The following FAM78B variants were observed in gnomAD, a reference collection of about 807,000 sequenced individuals.
FAM78B encodes the protein family with sequence similarity 78 member B.
FAM78B carries 10 observed loss-of-function variants against 20.0 expected under a neutral mutation model. The ratio of observed to expected loss-of-function variants is 0.50; its 90% CI spans 0.31 to 0.85. The LOEUF is 0.85. FAM78B is among the 40% of genes least tolerant of loss of function. The pLI, the probability that FAM78B is intolerant of heterozygous loss-of-function variation, is 0.05. For synonymous variants in FAM78B, 135 were observed against 132.8 expected (o/e 1.02, Z -0.12); for missense variants, 283 against 345.0 (o/e 0.82, Z 1.42).
Position 166,094,035 on chromosome 1 carries a change from G to GTGTC in FAM78B, c.264-23273_264-23272insGACA, listed in dbSNP as rs1553217267. Among the ~76,000 whole-genome samples, 237 of 146,492 alleles carry GTGTC rather than the reference G, an allele frequency of 1.6e-3. 28 individuals carry two copies. The highest frequency in any genetic ancestry group is 6.4e-3 in the East Asian group (31 of 4,850). ...TGTGTGTGTGTGTGTGTGTGTGTGT[G>GTGTC]TGTGTGTGTGTGGTGTTCTTGAATC... On this transcript the variant is annotated intron_variant, in intron 1 of 1. Coordinates refer to ENST00000354422, the MANE Select transcript of FAM78B (RefSeq NM_001017961.5).
chr1:166,151,277 T>C (rs1206512181), intron 1 of FAM78B, among the ~76,000 whole-genome samples: 6 of 152,238 alleles, frequency 3.9e-5, no homozygotes, highest in Admixed American at 2.0e-4. Context: ...ACCAGGGGCA[T>C]TTCTGATAGA....
chr1:166,152,340 G>A lies in FAM78B; in HGVS notation c.263+13646C>T, dbSNP rs368150754. Among the ~76,000 whole-genome samples the A allele has an allele frequency of 2.7e-4, 41 of 152,306 alleles. No homozygotes were observed. The East Asian group carries it at 6.0e-3, about 22-fold the overall frequency. The stretch of plus-strand genomic sequence containing the variant: ...TTTCAGTTCCACGCTGGCGGGATGC[G>A]GCAGGACCAAAGGTCAAGAATTTGT... On this transcript the variant is annotated intron_variant, in intron 1 of 1. Transcript: ENST00000354422.
In FAM78B at chr1:166,119,104, A is replaced by G. The variant is rs1571179616; in HGVS notation, c.263+46882T>C. Among the ~76,000 whole-genome samples the G allele has an allele frequency of 2.0e-5, 3 of 152,132 alleles. No individual in the cohort carries two copies. The South Asian group carries it at 6.2e-4, about 32-fold the overall frequency. ...AGAGAGAGAGGAGTGGAAGGCAGAG[A>G]GAGCTTCTAAGAGCTTTGAAGACAA... On this transcript the variant is annotated intron_variant, in intron 1 of 1. Transcript: ENST00000354422.
intron 1 of FAM78B, among the ~76,000 whole-genome samples, chr1:166,111,314 T>C (rs1571172753): frequency 6.6e-6 from 1 of 152,148 alleles, no homozygotes; most frequent in South Asian, 2.1e-4. Flanking sequence ...AAGGGTAAGG[T>C]TATATTGAAT....
chr1:166,105,602 A>C (rs1323052852), intron 1 of FAM78B, among the ~76,000 whole-genome samples: 2 of 152,264 alleles, frequency 1.3e-5, no homozygotes, highest in Non-Finnish European at 2.9e-5. Flanking sequence ...GACACATGAA[A>C]AAATGCTCAT....
chr1:166,109,856 A>ATTTATGTG (rs1261998155), intron 1 of FAM78B, among the ~76,000 whole-genome samples: 1 of 19,376 alleles, frequency 5.2e-5, no homozygotes, highest in Non-Finnish European at 1.3e-4. Flanking sequence ...ATATATATAT[A>ATTTATGTG]TATATGTATG....
chr1:166,151,142 G>A (rs1655662124), intron 1 of FAM78B, among the ~76,000 whole-genome samples: 1 of 152,160 alleles, frequency 6.6e-6, no homozygotes, highest in Non-Finnish European at 1.5e-5. Context: ...AATGCACGTA[G>A]ACTTGTAATA....
intron 1 of FAM78B, among the ~76,000 whole-genome samples, chr1:166,145,589 G>A (rs1655424696): frequency 6.6e-6 from 1 of 152,224 alleles, no homozygotes; most frequent in South Asian, 2.1e-4. Context: ...TCTTCCAGCT[G>A]CTTTAGGACT....
intron 1 of FAM78B, 84 bp from the exon 2 acceptor site, chr1:166,070,847 CAT>C (rs1557887892): frequency 1.4e-6 from 2 of 1,428,270 alleles, no homozygotes; most frequent in African/African-American, 2.8e-5. Context: ...TGCTTACTAA[CAT>C]AGTCAACTTG....
intron 1 of FAM78B, among the ~76,000 whole-genome samples, chr1:166,124,533 T>C (rs1419511642): frequency 6.6e-6 from 1 of 152,192 alleles, no homozygotes; most frequent in Admixed American, 6.5e-5. Context: ...GAGGCACAGA[T>C]AATTTATATC....
rs61740243 is a variant in FAM78B, at chr1:166,070,658, G to T, written c.369C>A (p.Thr123=). ...PWYGNTTETV[T]LVGPTNKISR... ...AGATCTTGTTGGTGGGGCCAACCAG[G>T]GTCACAGTTTCTGTGGTGTTCCCGT... Residue 123 remains threonine, a synonymous_variant, in exon 2 of 2, where the codon ACC becomes ACA. Coordinates refer to ENST00000354422, the MANE Select transcript of FAM78B (RefSeq NM_001017961.5). 9.3e-6 allele frequency: 15 copies of T among 1,613,720 alleles called. No individual in the cohort carries two copies. Among genetic ancestry groups the T allele is most frequent in the Non-Finnish European group, 1.3e-5 (15 of 1,180,008 alleles).
At chr1:166,109,870 A>ATATATG in intron 1 of FAM78B, among the ~76,000 whole-genome samples, 1 of 11,468 alleles carries the variant, frequency 8.7e-5, no homozygotes, top group East Asian at 2.2e-3. Flanking sequence ...ATGTATGTGT[A>ATATATG]TATATATATA....
At chr1:166,126,145 A>G (rs1434540389) in intron 1 of FAM78B, among the ~76,000 whole-genome samples, 1 of 152,030 alleles carries the variant, frequency 6.6e-6, no homozygotes, top group South Asian at 2.1e-4. Flanking sequence ...ATTACTTTCA[A>G]TTTTTTTATT....
At chr1:166,109,852 A>G (rs28619291) in intron 1 of FAM78B, among the ~76,000 whole-genome samples, 1,292 of 25,392 alleles carry the variant, frequency 0.051, 216 homozygotes, top group Non-Finnish European at 0.074. Flanking sequence ...ATATATATAT[A>G]TATATATATG....
downstream of FAM78B, among the ~76,000 whole-genome samples, chr1:166,067,464 G>A (rs1651840771): frequency 6.6e-6 from 1 of 152,066 alleles, no homozygotes; most frequent in South Asian, 2.1e-4. Context: ...CACTAAATGA[G>A]CCCCTTTAAA....
chr1:166,110,867 T>G (rs1033445672), intron 1 of FAM78B, among the ~76,000 whole-genome samples: 1 of 152,256 alleles, frequency 6.6e-6, no homozygotes, highest in Non-Finnish European at 1.5e-5. Context: ...AATTAAGAAG[T>G]TACAAGTGTG....
At chr1:166,109,880 A>ATATGTATG (rs1653964398) in intron 1 of FAM78B, among the ~76,000 whole-genome samples, 2 of 14,622 alleles carry the variant, frequency 1.4e-4, no homozygotes, top group African/African-American at 4.5e-4. Flanking sequence ...ATATATATAT[A>ATATGTATG]TGTATATATG....
rs931232681 is a variant in FAM78B at position 166,166,507 on chromosome 1, G to C, written c.-259C>G. 1 of 158,178 alleles carries C rather than the reference G, an allele frequency of 6.3e-6. No homozygotes were observed. Among genetic ancestry groups the C allele is most frequent in the Non-Finnish European group, 1.4e-5 (1 of 73,474 alleles). 9.8% of individuals were successfully genotyped at this position (158,178 alleles called of 1,614,324 possible). A position where few individuals can be genotyped will look rare whatever the true frequency, so the allele number is the denominator to read the frequency against. On this transcript the variant is annotated 5_prime_UTR_variant, in exon 1 of 2. Coordinates refer to ENST00000354422, the MANE Select transcript of FAM78B (RefSeq NM_001017961.5). ...GGGCGCGCGGAGGGTGCACTCCTAG[G>C]AGGCGGCGGGTGCCCTCGCCGGCTC... is the stretch of plus-strand genomic sequence containing the variant.
intron 1 of FAM78B, among the ~76,000 whole-genome samples, chr1:166,094,239 G>A (rs1355728603): frequency 6.6e-6 from 1 of 152,162 alleles, no homozygotes; most frequent in African/African-American, 2.4e-5. Flanking sequence ...CAAGGAGCAG[G>A]AACAGAGGTG....
Sources: gnomAD v4.1 joint callset for allele counts (sites outside exome capture counted in the v4.1 genomes callset) on GRCh38, gnomAD v4.1.1 for gene constraint, MANE v1.5 for transcripts, NCBI Gene and HGNC (gene_info 2026-07-23, HGNC 2026-07-21) for gene names.